ZNRF3: variants seen among roughly 807,000 people sequenced by gnomAD.
The protein encoded by ZNRF3 is zinc and ring finger 3.
A neutral mutation model predicts 72.5 loss-of-function variants in ZNRF3; 23 were observed. That is an observed-to-expected ratio of 0.32 (90% CI 0.23 to 0.45). The LOEUF is 0.45. Among genes scored for constraint, ZNRF3 ranks in the 20% least tolerant of loss-of-function variants. ZNRF3 has a pLI of 1.00. For synonymous variants in ZNRF3, 610 were observed against 545.3 expected (o/e 1.12, Z -1.65); for missense variants, 1,169 against 1,272.1 (o/e 0.92, Z 1.23).
Position 28,987,096 on chromosome 22 carries a change from T to C in ZNRF3, c.321T>C (p.Cys107=), listed in dbSNP as rs1371085071. 1 of 1,613,566 alleles carries C rather than the reference T, an allele frequency of 6.2e-7. No individual in the cohort carries two copies. Among genetic ancestry groups the C allele is most frequent in the East Asian group, 2.2e-5 (1 of 44,856 alleles). The part of the protein sequence containing the change: ...EIVQMHPLGL[C]NNNDEEDLYE... ...CCTAGATGCACCCACTGGGCCTATG[T>C]AATAACAATGACGAAGAGGACTTGT... Residue 107 remains cysteine, a synonymous_variant, in exon 2 of 9, where the codon TGT becomes TGC. Transcript: ENST00000544604.
chr22:29,050,419 G>A lies in ZNRF3; in HGVS notation c.2238G>A (p.Ala746=), dbSNP rs757324970. ...GPHLYEGSGP[A]GGEPQSGSSQ... is the part of the protein sequence containing the mutation. The stretch of plus-strand genomic sequence containing the variant: ...ACCTCTACGAGGGCTCTGGCCCGGC[G>A]GGTGGGGAGCCCCAGTCAGGAAGCT... The change falls in exon 8 of 9, where the codon GCG becomes GCA. Residue 746 remains alanine, a synonymous_variant. Coordinates refer to ENST00000544604, the MANE Select transcript of ZNRF3 (RefSeq NM_001206998.2). 5.0e-6 allele frequency: 8 copies of A among 1,607,662 alleles called. No homozygotes were observed. The highest frequency in any genetic ancestry group is 6.8e-6 in the Non-Finnish European group (8 of 1,176,664).
chr22:28,907,504 A>G (rs958297659), intron 1 of ZNRF3, among the ~76,000 whole-genome samples: 5 of 152,112 alleles, frequency 3.3e-5, no homozygotes, highest in Admixed American at 2.0e-4. Context: ...TGGTGGCCGC[A>G]TGGTTCCCCA....
At chr22:28,970,495 G>T (rs576062150) in intron 1 of ZNRF3, among the ~76,000 whole-genome samples, 1 of 152,258 alleles carries the variant, frequency 6.6e-6, no homozygotes, top group African/African-American at 2.4e-5. Context: ...TGTGACCCAG[G>T]TATTCCACCC....
intron 2 of ZNRF3, among the ~76,000 whole-genome samples, chr22:29,037,079 T>TG (rs2036879762): frequency 2.0e-5 from 3 of 152,198 alleles, no homozygotes; most frequent in Admixed American, 6.5e-5. Flanking sequence ...TTATTTCCTA[T>TG]TAAGACTGTA....
intron 1 of ZNRF3, among the ~76,000 whole-genome samples, chr22:28,961,464 T>C (rs1420482853): frequency 6.6e-6 from 1 of 152,148 alleles, no homozygotes; most frequent in Non-Finnish European, 1.5e-5. Context: ...GCTGGAGGGT[T>C]CTAGAAAGAT....
intron 1 of ZNRF3, chr22:28,917,259 TG>T (rs1160134760): frequency 6.9e-6 from 1 of 145,940 alleles, no homozygotes; most frequent in Non-Finnish European, 1.1e-5. Context: ...ATGGAGTGGT[TG>T]GGGATAAAAC....
At chr22:28,913,825 TG>T (rs1215316186) in intron 1 of ZNRF3, among the ~76,000 whole-genome samples, 1 of 152,052 alleles carries the variant, frequency 6.6e-6, no homozygotes, top group Non-Finnish European at 1.5e-5. Context: ...TGTAGGCAGG[TG>T]GGGGCCACAG....
intron 1 of ZNRF3, among the ~76,000 whole-genome samples, chr22:28,933,405 T>C (rs1483800667): frequency 6.6e-6 from 1 of 152,216 alleles, no homozygotes; most frequent in Non-Finnish European, 1.5e-5. Context: ...TGATGAGCCA[T>C]GAGCCCATTG....
At chr22:29,002,602 G>T (rs1433722044) in intron 2 of ZNRF3, among the ~76,000 whole-genome samples, 1 of 152,198 alleles carries the variant, frequency 6.6e-6, no homozygotes, top group East Asian at 1.9e-4. Context: ...TCAAAGGTTT[G>T]CTGATGCGCA....
rs150163150 is a variant in ZNRF3 at position 28,894,636 on chromosome 22, G to A, written c.300+10570G>A. Among the ~76,000 whole-genome samples, 11 of 152,218 alleles carry A rather than the reference G, an allele frequency of 7.2e-5. No individual in the cohort carries two copies. The East Asian group carries it at 1.4e-3, about 19-fold the overall frequency. Reference sequence around the variant, plus strand: ...GTTTCTGCCCTTCCTCTTTCCTGTCGAGCAGGCTTTCTGCTTCTGAACAGG... The same window carrying A: ...GTTTCTGCCCTTCCTCTTTCCTGTCAAGCAGGCTTTCTGCTTCTGAACAGG... On this transcript the variant is annotated intron_variant, in intron 1 of 8. Coordinates refer to ENST00000544604, the MANE Select transcript of ZNRF3 (RefSeq NM_001206998.2).
rs1020589629 is a variant in ZNRF3 at position 29,049,868 on chromosome 22, T to G, written c.1687T>G (p.Ser563Ala). Residue 563 changes from serine (S) to alanine (A), a missense_variant, in exon 8 of 9, where the codon TCC becomes GCC. Ser to Ala is a moderately conservative substitution (Grantham distance 99). Transcript: ENST00000544604. This position sits in a 1 kb window ranked among gnomAD's most constrained non-coding sequence, Gnocchi z 5.2. ...CAGCAGCTCCGGCCAGTGCCACTGT[T>G]CCTCCAGTGACTCTGTGGTAGACTG... ...SSSSSGQCHC[S>A]SSDSVVDCTE... 6.2e-7 allele frequency: 1 copy of G among 1,605,706 alleles called. No homozygotes were observed. The highest frequency in any genetic ancestry group is 8.5e-7 in the Non-Finnish European group (1 of 1,175,642).
At chr22:28,922,144 T>G (rs1468229246) in intron 1 of ZNRF3, among the ~76,000 whole-genome samples, 1 of 152,236 alleles carries the variant, frequency 6.6e-6, no homozygotes, top group African/African-American at 2.4e-5. Context: ...AATTTCCACT[T>G]GTGGTGTCAT....
At chr22:29,020,020 C>G (rs1410978438) in intron 2 of ZNRF3, among the ~76,000 whole-genome samples, 1 of 151,884 alleles carries the variant, frequency 6.6e-6, no homozygotes, top group African/African-American at 2.4e-5. Context: ...CCCCCCAATC[C>G]CCCCATGGAT....
At chr22:28,997,213 T>C (rs2036059074) in intron 2 of ZNRF3, among the ~76,000 whole-genome samples, 2 of 152,296 alleles carry the variant, frequency 1.3e-5, no homozygotes, top group South Asian at 4.1e-4. Flanking sequence ...GTCATGTACC[T>C]GAGCACGGGG....
intron 2 of ZNRF3, among the ~76,000 whole-genome samples, chr22:29,039,415 C>T (rs566405997): frequency 1.2e-4 from 18 of 152,158 alleles, no homozygotes; most frequent in African/African-American, 3.9e-4. Flanking sequence ...GTACCTTCCC[C>T]GAGGGTGCTG....
Position 29,050,608 on chromosome 22 carries a change from GCTCACC to G in ZNRF3, c.2428_2433del (p.Leu810_Thr811del), listed in dbSNP as rs770577705. The G allele has an allele frequency of 2.7e-5, 43 of 1,609,588 alleles. No individual in the cohort carries two copies. The Admixed American group carries it at 4.5e-4, about 17-fold the overall frequency. Reference sequence around the variant, plus strand: ...ACTACTCGGTGAGTGTGCAGTACACGCTCACCGAGGAACCACCGCCCGGCTGCTACC... The same window carrying G: ...ACTACTCGGTGAGTGTGCAGTACACGGAGGAACCACCGCCCGGCTGCTACC... On this transcript the variant is annotated inframe_deletion, in exon 8 of 9. Coordinates refer to ENST00000544604, the MANE Select transcript of ZNRF3 (RefSeq NM_001206998.2).
chr22:29,051,311 G>T (rs139860428), intron 8 of ZNRF3, among the ~76,000 whole-genome samples: 522 of 152,330 alleles, frequency 3.4e-3, no homozygotes, highest in Non-Finnish European at 5.7e-3. Context: ...ACTTTGGGAG[G>T]CCGAGGCTGT....
chr22:29,049,829 G>A lies in ZNRF3; in HGVS notation c.1648G>A (p.Asp550Asn). ...SGYLADCPGS[D>N]SSSSSSSGQC... The stretch of plus-strand genomic sequence containing the variant: ...CTACCTGGCCGACTGCCCAGGCAGC[G>A]ACAGCAGCAGCAGCAGCAGCTCCGG... The change falls in exon 8 of 9, where the codon GAC (aspartate) becomes AAC (asparagine). Residue 550 changes from aspartate (D) to asparagine (N), a missense_variant. Physicochemically the swap from Asp to Asn is conservative, Grantham distance 23. Coordinates refer to ENST00000544604, the MANE Select transcript of ZNRF3 (RefSeq NM_001206998.2). This position sits in a 1 kb window ranked among gnomAD's most constrained non-coding sequence, Gnocchi z 5.2. The A allele has an allele frequency of 1.2e-6, 2 of 1,608,954 alleles. No individual in the cohort carries two copies. Among genetic ancestry groups the A allele is most frequent in the Non-Finnish European group, 1.7e-6 (2 of 1,177,586 alleles).
At chr22:29,017,728 C>G (rs1421096932) in intron 2 of ZNRF3, among the ~76,000 whole-genome samples, 1 of 152,072 alleles carries the variant, frequency 6.6e-6, no homozygotes, top group East Asian at 1.9e-4. Flanking sequence ...CATGCTAGGA[C>G]AGAAACTGTG....
Sources: gnomAD v4.1 joint callset for allele counts (sites outside exome capture counted in the v4.1 genomes callset) on GRCh38, gnomAD v4.1.1 for gene constraint, Gnocchi (gnomAD v3.1) non-coding constraint, MANE v1.5 for transcripts, NCBI Gene and HGNC (gene_info 2026-07-23, HGNC 2026-07-21) for gene names.